TRAPPC2L: variants seen among roughly 807,000 people sequenced by gnomAD.
TRAPPC2L encodes trafficking protein particle complex subunit 2L.
Under a neutral mutation model 13.2 loss-of-function variants are expected in TRAPPC2L, and 17 were observed. The observed-to-expected ratio is 1.29, with a 90% CI of 0.88 to 1.93. The LOEUF is 1.93. Ranked by LOEUF, TRAPPC2L falls within the 30% of genes most tolerant of loss-of-function variation. The pLI is 0.00. For synonymous variants in TRAPPC2L, 150 were observed against 98.1 expected, an observed-to-expected ratio of 1.53 and a Z score of -3.12; for missense variants, 359 against 252.1, an observed-to-expected ratio of 1.42 and a Z score of -2.87.
chr16:88,860,096 T>C (rs1968283629), exon 4 of TRAPPC2L: 1 of 907,306 alleles, frequency 1.1e-6, no homozygotes, highest in Non-Finnish European at 1.7e-6. Flanking sequence ...ATGAGCACCA[T>C]CCCCCTAGGG....
chr16:88,856,264 C>A (rs367683129), upstream of TRAPPC2L: 3 of 702,886 alleles, frequency 4.3e-6, no homozygotes, highest in Non-Finnish European at 7.8e-6. Context: ...TGGAGCCCAG[C>A]GGGGGGACCC....
chr16:88,859,574 T>C, intron 2 of TRAPPC2L, 89 bp from the exon 3 acceptor site: 1 of 1,219,922 alleles, frequency 8.2e-7, no homozygotes, highest in Non-Finnish European at 1.2e-6. Context: ...TGATTCAAGG[T>C]TGCCACATTT....
exon 4 of TRAPPC2L, chr16:88,859,952 G>A (rs370429481): frequency 3.0e-5 from 45 of 1,513,816 alleles, no homozygotes; most frequent in South Asian, 1.7e-4. Context: ...TCTACAACCC[G>A]GGGGACCGCA....
rs751378917 is a variant in TRAPPC2L, at chr16:88,860,951, G to C, written c.*627G>C. The C allele has an allele frequency of 3.8e-5, 61 of 1,590,382 alleles. No individual in the cohort carries two copies. Among genetic ancestry groups the C allele is most frequent in the African/African-American group, 2.8e-4 (21 of 74,814 alleles). ...CATGGTGACGTCGATGATGATACAG[G>C]TGTGCTGAGTGAGCTGTGCTGCCAG... On this transcript the variant is annotated 3_prime_UTR_variant, in exon 4 of 4. Transcript: ENST00000565504.
upstream of TRAPPC2L, chr16:88,856,551 C>T: frequency 1.5e-6 from 1 of 689,238 alleles, no homozygotes; most frequent in South Asian, 1.5e-5. Flanking sequence ...GGCCACTCCC[C>T]GAGGGGCCTC....
chr16:88,860,472 C>T (rs1968308521), exon 4 of TRAPPC2L: 2 of 603,798 alleles, frequency 3.3e-6, no homozygotes, highest in African/African-American at 1.9e-5. Flanking sequence ...AGTGAGTCCC[C>T]AGTTCCAAGA....
At chr16:88,860,279 T>C (rs1043537321) in exon 4 of TRAPPC2L, 3 of 700,320 alleles carry the variant, frequency 4.3e-6, no homozygotes, top group Non-Finnish European at 7.8e-6. Context: ...GCCAAGCACA[T>C]GGGCAGTGGC....
At chr16:88,861,364 C>T in exon 4 of TRAPPC2L, 1 of 352,322 alleles carries the variant, frequency 2.8e-6, no homozygotes, top group Non-Finnish European at 5.5e-6. Context: ...GAGCCCAGAA[C>T]CAGCCTAGGA....
chr16:88,857,226 C>T, intron 1 of TRAPPC2L, 43 bp downstream of exon 1: 2 of 1,460,796 alleles, frequency 1.4e-6, no homozygotes, highest in Non-Finnish European at 1.8e-6. Context: ...GCACCATCCT[C>T]GGCTCTCCGC....
chr16:88,857,152 T>C (rs758026975), exon 1 of TRAPPC2L: 3 of 1,582,614 alleles, frequency 1.9e-6, no homozygotes, highest in South Asian at 2.3e-5. Context: ...CCTCCCAAGA[T>C]GGCGGTGTGC....
chr16:88,860,414 A>G (rs1303259970), exon 4 of TRAPPC2L: 2 of 607,370 alleles, frequency 3.3e-6, no homozygotes, highest in Non-Finnish European at 2.9e-6. Context: ...ACTTTTGAAC[A>G]TCATGAGGGA....
chr16:88,856,950 G>A, upstream of TRAPPC2L: 17 of 1,442,294 alleles, frequency 1.2e-5, no homozygotes, highest in Non-Finnish European at 1.4e-5. Flanking sequence ...TTCCGGCTGG[G>A]CTGCGGGGCG....
chr16:88,859,025 C>T (rs1567555620), intron 2 of TRAPPC2L: 1 of 551,452 alleles, frequency 1.8e-6, no homozygotes, highest in Non-Finnish European at 3.2e-6. Context: ...TGCACGTGTC[C>T]GTTGTCTGGT....
chr16:88,857,101 T>C, upstream of TRAPPC2L: 1 of 1,553,686 alleles, frequency 6.4e-7, no homozygotes. Context: ...GGAGGCCGCG[T>C]GACCAGCGGC....
At chr16:88,860,780 A>G in exon 4 of TRAPPC2L, 1 of 959,008 alleles carries the variant, frequency 1.0e-6, no homozygotes, top group Non-Finnish European at 1.6e-6. Flanking sequence ...CTGGCCTCTC[A>G]GCGGAGTTCA....
intron 1 of TRAPPC2L, 154 bp downstream of exon 1, chr16:88,857,337 G>A (rs184714254): frequency 7.5e-6 from 5 of 669,132 alleles, no homozygotes; most frequent in Middle Eastern, 2.5e-4. Context: ...CGCGGTGGAC[G>A]AGCCGCCAGG....
intron 1 of TRAPPC2L, among the ~76,000 whole-genome samples, chr16:88,857,739 C>T (rs557827919): frequency 1.2e-4 from 18 of 152,274 alleles, no homozygotes; most frequent in African/African-American, 2.4e-4. Context: ...CATGCTCTGC[C>T]CTCTCACCTG....
In TRAPPC2L at chr16:88,860,911, C is replaced by A; in HGVS notation, c.*587C>A. The A allele has an allele frequency of 6.3e-7, 1 of 1,592,352 alleles. No individual in the cohort carries two copies. Among genetic ancestry groups the A allele is most frequent in the Non-Finnish European group, 8.5e-7 (1 of 1,171,258 alleles). ...CTCTGAGTGGGTCTGTTTCTCTTAG[C>A]AGGGCCTTTGATAACATGGTGACGT... On this transcript the variant is annotated 3_prime_UTR_variant, in exon 4 of 4. Coordinates refer to ENST00000565504, the Ensembl canonical transcript of TRAPPC2L.
At chr16:88,860,602 G>A in exon 4 of TRAPPC2L, 1 of 587,162 alleles carries the variant, frequency 1.7e-6, no homozygotes, top group East Asian at 2.8e-5. Flanking sequence ...GCAGGCGAAT[G>A]TCCACAGTCT....
Sources: gnomAD v4.1 joint callset for allele counts (sites outside exome capture counted in the v4.1 genomes callset) on GRCh38, gnomAD v4.1.1 for gene constraint, MANE v1.5 for transcripts, NCBI Gene and HGNC (gene_info 2026-07-23, HGNC 2026-07-21) for gene names.